SLC41A3: variants seen among roughly 807,000 people sequenced by gnomAD.
SLC41A3 encodes SLC41A1-like 2.
SLC41A3 carries 44 observed loss-of-function variants against 45.4 expected under a neutral mutation model. The ratio of observed to expected loss-of-function variants is 0.97; its 90% CI spans 0.76 to 1.25. The LOEUF is 1.25. Ranked by LOEUF, SLC41A3 falls within the 50% of genes most tolerant of loss-of-function variation. The pLI is 0.00. For missense variants in SLC41A3, 550 were observed against 600.6 expected (o/e 0.92, Z 0.88); for synonymous variants, 256 against 252.4 (o/e 1.01, Z -0.13).
upstream of SLC41A3, chr3:126,084,513 AAAC>A (rs1227478273): frequency 2.0e-5 from 3 of 152,186 alleles, no homozygotes; most frequent in East Asian, 1.9e-4. Context: ...TTTGCTTTAA[AAAC>A]AACAACGACA....
At chr3:126,033,743 G>A in intron 3 of SLC41A3, 65 bp from the exon 4 acceptor site, 1 of 1,509,350 alleles carries the variant, frequency 6.6e-7, no homozygotes, top group Non-Finnish European at 9.1e-7. Flanking sequence ...AACCCTTCCT[G>A]GGAAAGGCAG....
intron 5 of SLC41A3, chr3:126,025,078 C>A (rs1315118686): frequency 6.6e-6 from 1 of 152,238 alleles, no homozygotes; most frequent in Non-Finnish European, 1.5e-5. Flanking sequence ...CCTGTATATT[C>A]ATAAGCTTAT....
At chr3:126,019,302 T>A (rs985894293) in intron 6 of SLC41A3, among the ~76,000 whole-genome samples, 1 of 152,212 alleles carries the variant, frequency 6.6e-6, no homozygotes, top group East Asian at 1.9e-4. Flanking sequence ...AATCTGTTCA[T>A]GAGGGCAGAG....
At chr3:126,090,932 G>A (rs1559899936) in intron 1 of SLC41A3, among the ~76,000 whole-genome samples, 1 of 152,094 alleles carries the variant, frequency 6.6e-6, no homozygotes, top group Non-Finnish European at 1.5e-5. Context: ...GGAGTGAGGG[G>A]CCATGTTCTC....
In SLC41A3 at chr3:126,025,342, G is replaced by A. The variant is rs528628833; in HGVS notation, c.598+993C>T. 11 of 152,396 alleles carry A rather than the reference G, an allele frequency of 7.2e-5. 1 individual carries two copies. The South Asian group carries it at 1.9e-3, about 26-fold the overall frequency. 9.4% of individuals were successfully genotyped at this position (152,396 alleles called of 1,614,324 possible). On this transcript the variant is annotated intron_variant, in intron 5 of 10. Coordinates refer to ENST00000360370, the MANE Select transcript of SLC41A3 (RefSeq NM_017836.4). Reference sequence around the variant, plus strand: ...TAAGCACCAGCTGTGTTTGGCATGAGAAAGGAGCAGCAGACAGCAGGTGGG... The same window carrying A: ...TAAGCACCAGCTGTGTTTGGCATGAAAAAGGAGCAGCAGACAGCAGGTGGG...
intron 1 of SLC41A3, among the ~76,000 whole-genome samples, chr3:126,079,373 G>A (rs943204911): frequency 2.0e-5 from 3 of 151,946 alleles, no homozygotes; most frequent in Admixed American, 6.5e-5. Flanking sequence ...ATATTCTGTA[G>A]GACAAAACTT....
chr3:126,053,202 G>C (rs1416699718), intron 2 of SLC41A3, among the ~76,000 whole-genome samples: 1 of 152,178 alleles, frequency 6.6e-6, no homozygotes, highest in Non-Finnish European at 1.5e-5. Context: ...AGATAATTAA[G>C]TTGAAATGCA....
rs184636021 is a variant in SLC41A3, at chr3:126,021,800, T to C, written c.745+986A>G. On this transcript the variant is annotated intron_variant, in intron 6 of 10. Transcript: ENST00000360370. ...AGTGGGAGCATAGATTCAAGTGCCC[T>C]GAATATACACTTCAATTAGTAGCAG... 6.0e-4 allele frequency among the ~76,000 whole-genome samples: 92 copies of C among 152,346 alleles called. 1 individual carries two copies. The highest frequency in any genetic ancestry group is 2.1e-3 in the African/African-American group (86 of 41,586).
At chr3:126,060,343 T>C (rs887481098) in intron 2 of SLC41A3, among the ~76,000 whole-genome samples, 2 of 151,944 alleles carry the variant, frequency 1.3e-5, no homozygotes, top group African/African-American at 4.8e-5. Flanking sequence ...CACTTGAACC[T>C]GGGAGGCGGA....
chr3:126,069,593 C>A (rs1944522131), intron 1 of SLC41A3, among the ~76,000 whole-genome samples: 1 of 151,782 alleles, frequency 6.6e-6, no homozygotes, highest in South Asian at 2.1e-4. Flanking sequence ...ATGAGACATG[C>A]CAAGAAATAA....
intron 1 of SLC41A3, among the ~76,000 whole-genome samples, chr3:126,079,304 A>ACC (rs1945039549): frequency 6.8e-6 from 1 of 147,092 alleles, no homozygotes; most frequent in South Asian, 2.2e-4. Flanking sequence ...ACACACACAC[A>ACC]CAATAGAAAG....
At chr3:126,079,528 C>T (rs1296691266) in intron 1 of SLC41A3, among the ~76,000 whole-genome samples, 1 of 151,992 alleles carries the variant, frequency 6.6e-6, no homozygotes, top group Non-Finnish European at 1.5e-5. Flanking sequence ...AACAAGAGCT[C>T]AGCTGGAGAA....
chr3:126,050,858 C>T, intron 3 of SLC41A3, 85 bp downstream of exon 3: 4 of 1,482,590 alleles, frequency 2.7e-6, no homozygotes, highest in South Asian at 1.4e-5. Context: ...ATCCAACCCA[C>T]CGCCCACAAG....
chr3:126,056,804 G>C (rs1198864891), intron 2 of SLC41A3: 1 of 1,310,242 alleles, frequency 7.6e-7, no homozygotes, highest in African/African-American at 1.5e-5. Flanking sequence ...AGGCCCTGCT[G>C]TCCCTCCCTG....
chr3:126,076,812 C>T (rs148305533), intron 1 of SLC41A3, among the ~76,000 whole-genome samples: 10 of 152,222 alleles, frequency 6.6e-5, no homozygotes, highest in African/African-American at 1.7e-4. Flanking sequence ...GCCTACTTTG[C>T]GATTTAGATC....
At chr3:126,008,915 TG>T (rs763562484) in intron 9 of SLC41A3, 35 bp from the exon 10 acceptor site, 1 of 1,608,468 alleles carries the variant, frequency 6.2e-7, no homozygotes, top group Non-Finnish European at 8.5e-7. Context: ...TCATGTGACC[TG>T]AAGCGAGGCC....
intron 2 of SLC41A3, chr3:126,057,924 CGA>C: frequency 6.6e-6 from 1 of 152,362 alleles, no homozygotes; most frequent in South Asian, 2.1e-4. Flanking sequence ...ACAGCTTAAC[CGA>C]GAGAACAAAG....
chr3:126,013,586 G>A (rs985803025), intron 8 of SLC41A3, among the ~76,000 whole-genome samples: 3 of 151,484 alleles, frequency 2.0e-5, no homozygotes, highest in Non-Finnish European at 4.4e-5. Context: ...GAATGAGAGG[G>A]AAGGTGAGGG....
At chr3:126,019,686 G>A (rs1940658755) in intron 6 of SLC41A3, among the ~76,000 whole-genome samples, 1 of 152,208 alleles carries the variant, frequency 6.6e-6, no homozygotes, top group South Asian at 2.1e-4. Context: ...TGGGGCTTAT[G>A]ACTCCAGAGC....
Sources: gnomAD v4.1 joint callset for allele counts (sites outside exome capture counted in the v4.1 genomes callset) on GRCh38, gnomAD v4.1.1 for gene constraint, MANE v1.5 for transcripts, NCBI Gene and HGNC (gene_info 2026-07-23, HGNC 2026-07-21) for gene names.